Variants in HFM1 observed in about 807,000 individuals in gnomAD.
HFM1 encodes the protein helicase for meiosis 1.
A neutral mutation model predicts 192.1 loss-of-function variants in HFM1; 169 were observed. That is an observed-to-expected ratio of 0.88 (90% CI 0.78 to 1.00). The LOEUF is 1.00. Ranked by LOEUF, HFM1 falls within the 50% of genes least tolerant of loss-of-function variation. The pLI, the probability that HFM1 is intolerant of heterozygous loss-of-function variation, is 0.00. For synonymous variants in HFM1, 525 were observed against 537.8 expected, an observed-to-expected ratio of 0.98 and a Z score of 0.33; for missense variants, 1,661 against 1,668.0, an observed-to-expected ratio of 1.00 and a Z score of 0.07.
intron 34 of HFM1, among the ~76,000 whole-genome samples, chr1:91,270,827 T>A (rs1330724373): frequency 6.6e-6 from 1 of 152,128 alleles, no homozygotes; most frequent in Non-Finnish European, 1.5e-5. Context: ...AAAGGACTGA[T>A]ACACAGAAAA....
Position 91,274,751 on chromosome 1 carries a change from G to T in HFM1, c.3647C>A (p.Pro1216His). 6.5e-7 allele frequency: 1 copy of T among 1,546,364 alleles called. No individual in the cohort carries two copies. The highest frequency in any genetic ancestry group is 1.1e-5 in the South Asian group (1 of 88,094). ...GTACCTTGATATACTAGGAAGGGAA[G>T]GTTTTGGAGTAAAACCAAACTCTTT... ...DLKEFGFTPK[P>H]SLPSISRSEY... The change falls in exon 33 of 39, where the codon CCT becomes CAT. Residue 1216 changes from proline to histidine, a missense_variant. By Grantham distance (77) the Pro-to-His change is moderately conservative. Transcript: ENST00000370425.
At position 91,315,883 on chromosome 1, in the gene HFM1, C is replaced by T. The variant is rs200979711; in HGVS notation, c.3072G>A (p.Ser1024=). 1.3e-5 allele frequency: 21 copies of T among 1,609,768 alleles called. No homozygotes were observed. Among genetic ancestry groups the T allele is most frequent in the East Asian group, 2.2e-5 (1 of 44,742 alleles). ...FEQLQTKRTA[S]DSHYVTLIIG... ...TGATTAAGGTAACATAGTGAGAATCCGATGCTGTTCTTTTAGTTTGTAGCT... is the reference window on the plus strand; with the variant it reads ...TGATTAAGGTAACATAGTGAGAATCTGATGCTGTTCTTTTAGTTTGTAGCT... The change falls in exon 28 of 39, where the codon TCG becomes TCA. Residue 1024 remains serine (S), a synonymous_variant. Coordinates refer to ENST00000370425, the MANE Select transcript of HFM1 (RefSeq NM_001017975.6).
intron 13 of HFM1, among the ~76,000 whole-genome samples, chr1:91,371,151 A>G (rs1660133713): frequency 6.6e-6 from 1 of 152,132 alleles, no homozygotes; most frequent in Non-Finnish European, 1.5e-5. Context: ...AATATCCTGA[A>G]AATGGCCATA....
chr1:91,385,923 A>G, intron 4 of HFM1, 89 bp from the exon 5 acceptor site: 1 of 1,040,732 alleles, frequency 9.6e-7, no homozygotes. Context: ...CCCCCTTAAA[A>G]ACACTCATAG....
chr1:91,403,506 C>T (rs1304803093), intron 1 of HFM1, among the ~76,000 whole-genome samples: 1 of 151,956 alleles, frequency 6.6e-6, no homozygotes, highest in Non-Finnish European at 1.5e-5. Flanking sequence ...TAAAAGGGAC[C>T]TTGCTACAGT....
chr1:91,272,717 C>T (rs1666428950), intron 34 of HFM1, among the ~76,000 whole-genome samples: 1 of 152,044 alleles, frequency 6.6e-6, no homozygotes, highest in African/African-American at 2.4e-5. Flanking sequence ...TGCTCTGGTT[C>T]TCCAGGTGAG....
chr1:91,377,765 C>A, intron 11 of HFM1: 1 of 434,804 alleles, frequency 2.3e-6, no homozygotes, highest in Non-Finnish European at 4.0e-6. Flanking sequence ...TATGAGGCAC[C>A]TGAAACCCAG....
chr1:91,341,227 A>G (rs1655282261), intron 20 of HFM1, among the ~76,000 whole-genome samples: 1 of 152,178 alleles, frequency 6.6e-6, no homozygotes, highest in African/African-American at 2.4e-5. Flanking sequence ...AAAAAATCAT[A>G]CCAGGCACAT....
intron 30 of HFM1, among the ~76,000 whole-genome samples, chr1:91,310,684 T>G (rs1213002612): frequency 1.3e-5 from 2 of 152,230 alleles, no homozygotes; most frequent in Non-Finnish European, 2.9e-5. Context: ...ATTCTCCTGA[T>G]AGTGAATAAG....
chr1:91,368,743 T>G (rs538364619), intron 13 of HFM1, among the ~76,000 whole-genome samples: 2 of 152,044 alleles, frequency 1.3e-5, no homozygotes. Flanking sequence ...AATTCACACA[T>G]AACAATATTA....
At chr1:91,386,914 T>C (rs942924517) in intron 4 of HFM1, among the ~76,000 whole-genome samples, 4 of 152,184 alleles carry the variant, frequency 2.6e-5, no homozygotes, top group East Asian at 3.9e-4. Flanking sequence ...AAACTAAGTA[T>C]ATTAGCAGAT....
intron 2 of HFM1, among the ~76,000 whole-genome samples, chr1:91,397,061 G>A (rs928848888): frequency 6.6e-6 from 1 of 152,186 alleles, no homozygotes; most frequent in Non-Finnish European, 1.5e-5. Flanking sequence ...ATCTGAGGTG[G>A]AACAGTTTCA....
rs552512488 is a variant in HFM1, at chr1:91,289,685, C to T, written c.3392-12623G>A. 1.0e-3 allele frequency among the ~76,000 whole-genome samples: 157 copies of T among 152,262 alleles called. 1 individual carries two copies. Among genetic ancestry groups the T allele is most frequent in the Admixed American group, 3.0e-3 (46 of 15,298 alleles). Reference sequence around the variant, plus strand: ...GACCAGCCCGGCCAACACAGCGAAACCCCGTCTCTACCAAAAAATACAAAA... The same window carrying T: ...GACCAGCCCGGCCAACACAGCGAAATCCCGTCTCTACCAAAAAATACAAAA... On this transcript the variant is annotated intron_variant, in intron 30 of 38. Transcript: ENST00000370425.
At chr1:91,301,034 C>T (rs1258003507) in intron 30 of HFM1, among the ~76,000 whole-genome samples, 1 of 152,238 alleles carries the variant, frequency 6.6e-6, no homozygotes, top group East Asian at 1.9e-4. Context: ...ATCTAGAAAA[C>T]CCCATCATCT....
chr1:91,339,026 A>G (rs1405889088), intron 20 of HFM1: 1 of 455,602 alleles, frequency 2.2e-6, no homozygotes, highest in South Asian at 1.5e-5. Context: ...GCCCTCTGAA[A>G]TCATCCAGAA....
upstream of HFM1, among the ~76,000 whole-genome samples, chr1:91,405,126 A>G (rs183119512): frequency 1.7e-3 from 265 of 152,270 alleles, no homozygotes; most frequent in African/African-American, 5.9e-3. Flanking sequence ...AAAGTTAGCC[A>G]GGCCTCAGCT....
At chr1:91,318,145 G>A (rs1651534657) in intron 25 of HFM1, among the ~76,000 whole-genome samples, 1 of 152,058 alleles carries the variant, frequency 6.6e-6, no homozygotes. Context: ...TGTGGTATTT[G>A]GTTGCCAGGA....
At chr1:91,375,272 G>T in intron 13 of HFM1, 86 bp downstream of exon 13, 1 of 875,968 alleles carries the variant, frequency 1.1e-6, no homozygotes, top group Non-Finnish European at 1.8e-6. Context: ...TTTACCCCAA[G>T]GTTATGGGAC....
At chr1:91,267,346 A>G (rs1665860586) in intron 35 of HFM1, among the ~76,000 whole-genome samples, 1 of 152,180 alleles carries the variant, frequency 6.6e-6, no homozygotes, top group Admixed American at 6.6e-5. Context: ...TTTTCTTTGC[A>G]AGCAGATGAA....
Sources: allele counts gnomAD v4.1 joint callset (sites outside exome capture counted in the v4.1 genomes callset), GRCh38; gene constraint gnomAD v4.1.1; transcripts MANE v1.5; gene names NCBI Gene and HGNC (gene_info 2026-07-23, HGNC 2026-07-21).